ATRNL1: variants seen among roughly 807,000 people sequenced by gnomAD.
ATRNL1 encodes the protein attractin-like protein 1.
A neutral mutation model predicts 182.7 loss-of-function variants in ATRNL1; 95 were observed. The observed-to-expected ratio is 0.52, with a 90% CI of 0.44 to 0.62. The LOEUF (loss-of-function observed/expected upper bound fraction) is 0.62, where lower values mean the gene tolerates loss of function less well. Among genes scored for constraint, ATRNL1 ranks in the 20% least tolerant of loss-of-function variants. The pLI is 0.00. For missense variants in ATRNL1, 1,471 were observed against 1,679.5 expected (o/e 0.88, Z 2.17); for synonymous variants, 576 against 568.3 (o/e 1.01, Z -0.19).
chr10:115,203,017 C>T (rs192196507), intron 8 of ATRNL1, among the ~76,000 whole-genome samples: 23 of 152,076 alleles, frequency 1.5e-4, no homozygotes, highest in African/African-American at 4.6e-4. Context: ...AGTTTATTTG[C>T]GTAAAGGTGT....
chr10:115,264,785 C>A (rs1431308107), intron 10 of ATRNL1, among the ~76,000 whole-genome samples: 1 of 151,444 alleles, frequency 6.6e-6, no homozygotes, highest in Non-Finnish European at 1.5e-5. Context: ...ATTGTATCTG[C>A]CATTGACTTT....
Position 115,120,282 on chromosome 10 carries a change from C to T in ATRNL1, c.377+14C>T, listed in dbSNP as rs782818150. 1 of 1,319,682 alleles carries T rather than the reference C, an allele frequency of 7.6e-7. No individual in the cohort carries two copies. Among genetic ancestry groups the T allele is most frequent in the South Asian group, 1.3e-5 (1 of 77,054 alleles). The allele number at this position is 1,319,682 out of a possible 1,614,324, so 81.7% of individuals were successfully genotyped here. ...CATTGAAGGCTAGTAAGTATACAGTCTGAGTCAAATTAATGTATTTTATTC... is the reference window on the plus strand; with the variant it reads ...CATTGAAGGCTAGTAAGTATACAGTTTGAGTCAAATTAATGTATTTTATTC... On this transcript the variant is annotated intron_variant, in intron 2 of 28. Transcript: ENST00000355044.
intron 26 of ATRNL1, among the ~76,000 whole-genome samples, chr10:115,673,520 T>C (rs1593046548): frequency 6.6e-6 from 1 of 152,048 alleles, no homozygotes; most frequent in African/African-American, 2.4e-5. Flanking sequence ...GTAAAGATGA[T>C]TGGAATGGTG....
At chr10:115,773,593 T>A (rs1034435242) in intron 27 of ATRNL1, among the ~76,000 whole-genome samples, 1 of 152,192 alleles carries the variant, frequency 6.6e-6, no homozygotes, top group Non-Finnish European at 1.5e-5. Flanking sequence ...AGCCACTTAT[T>A]AAACAAATTA....
At chr10:115,855,402 A>G (rs926991482) in intron 28 of ATRNL1, among the ~76,000 whole-genome samples, 1 of 152,106 alleles carries the variant, frequency 6.6e-6, no homozygotes. Context: ...TCTAACATAT[A>G]TCCATGCCTT....
At chr10:115,474,300 T>C (rs1288512397) in intron 24 of ATRNL1, among the ~76,000 whole-genome samples, 2 of 151,422 alleles carry the variant, frequency 1.3e-5, no homozygotes, top group Non-Finnish European at 3.0e-5. Context: ...CCTGTGAGGT[T>C]TCTGCTGAGA....
chr10:115,768,619 C>T (rs959440010), intron 27 of ATRNL1, among the ~76,000 whole-genome samples: 5 of 152,092 alleles, frequency 3.3e-5, no homozygotes, highest in Admixed American at 6.6e-5. Flanking sequence ...AACTCCACGC[C>T]GTGAACACGC....
At chr10:115,605,175 A>G (rs1309574654) in intron 26 of ATRNL1, among the ~76,000 whole-genome samples, 1 of 152,064 alleles carries the variant, frequency 6.6e-6, no homozygotes, top group Non-Finnish European at 1.5e-5. Flanking sequence ...TACTACCGTT[A>G]TTATCTCCTT....
At chr10:115,369,653 A>G (rs925065627) in intron 19 of ATRNL1, among the ~76,000 whole-genome samples, 1 of 152,160 alleles carries the variant, frequency 6.6e-6, no homozygotes, top group South Asian at 2.1e-4. Flanking sequence ...ACTGCATACT[A>G]CATTCCATAA....
At chr10:115,434,853 T>C (rs1311135686) in intron 21 of ATRNL1, among the ~76,000 whole-genome samples, 1 of 152,108 alleles carries the variant, frequency 6.6e-6, no homozygotes, top group Non-Finnish European at 1.5e-5. Context: ...TCTAACTGCA[T>C]CCACTGGCTC....
chr10:115,454,958 C>A (rs189546113), intron 21 of ATRNL1, among the ~76,000 whole-genome samples: 3 of 152,216 alleles, frequency 2.0e-5, no homozygotes, highest in Non-Finnish European at 4.4e-5. Flanking sequence ...TGAGAGTGGA[C>A]ATCCCTTCCT....
At chr10:115,692,648 T>A (rs1265358544) in intron 26 of ATRNL1, among the ~76,000 whole-genome samples, 1 of 151,656 alleles carries the variant, frequency 6.6e-6, no homozygotes, top group African/African-American at 2.4e-5. Context: ...TTTTAAAAAA[T>A]TTGAAATAAA....
chr10:115,933,099 C>T (rs1555122054), intron 28 of ATRNL1, among the ~76,000 whole-genome samples: 1 of 152,184 alleles, frequency 6.6e-6, no homozygotes, highest in African/African-American at 2.4e-5. Context: ...GCAAGCAATT[C>T]CTTCAGGAAC....
intron 26 of ATRNL1, among the ~76,000 whole-genome samples, chr10:115,587,467 C>A (rs1200064316): frequency 3.3e-5 from 5 of 151,822 alleles, no homozygotes; most frequent in Non-Finnish European, 7.4e-5. Flanking sequence ...CGTGGTGTGC[C>A]GTTGTTTTAG....
At position 115,423,165 on chromosome 10, in the gene ATRNL1, A is replaced by C. The variant is rs368103655; in HGVS notation, c.3270-3085A>C. Among the ~76,000 whole-genome samples, 5 of 152,314 alleles carry C rather than the reference A, an allele frequency of 3.3e-5. 1 individual carries two copies. The highest frequency in any genetic ancestry group is 1.2e-4 in the African/African-American group (5 of 41,576). On this transcript the variant is annotated intron_variant, in intron 20 of 28. Transcript: ENST00000355044. ...TCCTTCTTACCCTGATGTCATTATT[A>C]TACAATGTATGCCTGTATCAAAATA...
intron 8 of ATRNL1, among the ~76,000 whole-genome samples, chr10:115,192,930 C>T (rs914310400): frequency 7.9e-5 from 12 of 151,874 alleles, no homozygotes; most frequent in Admixed American, 6.6e-4. Flanking sequence ...TGTATCCCTG[C>T]AACATTACTG....
At position 115,443,686 on chromosome 10, in the gene ATRNL1, T is replaced by A. The variant is rs140787370; in HGVS notation, c.3322+17384T>A. 2.0e-5 allele frequency among the ~76,000 whole-genome samples: 3 copies of A among 152,186 alleles called. No individual in the cohort carries two copies. The East Asian group carries it at 5.8e-4, about 29-fold the overall frequency. ...ATTCTCTAGACTTTCTATTCTTGGT[T>A]ATTATGGATACGCATGTTTCTTTGG... On this transcript the variant is annotated intron_variant, in intron 21 of 28. Transcript: ENST00000355044.
At chr10:115,350,897 T>C (rs975444761) in intron 19 of ATRNL1, among the ~76,000 whole-genome samples, 1 of 152,206 alleles carries the variant, frequency 6.6e-6, no homozygotes, top group African/African-American at 2.4e-5. Flanking sequence ...TTCCAACTTA[T>C]GAACATGATA....
At chr10:115,696,926 A>G (rs1555050043) in intron 26 of ATRNL1, among the ~76,000 whole-genome samples, 1 of 151,576 alleles carries the variant, frequency 6.6e-6, no homozygotes, top group African/African-American at 2.4e-5. Flanking sequence ...GAAATGCCAC[A>G]CTTTAAAACC....
Sources: allele counts gnomAD v4.1 joint callset (sites outside exome capture counted in the v4.1 genomes callset), GRCh38; gene constraint gnomAD v4.1.1; transcripts MANE v1.5; gene names NCBI Gene and HGNC (gene_info 2026-07-23, HGNC 2026-07-21).